C2CD3: variants seen among roughly 807,000 people sequenced by gnomAD.
C2CD3 encodes the protein C2 domain-containing protein 3.
In C2CD3, 148 loss-of-function variants were observed where a neutral mutation model predicts 234.0. The ratio of observed to expected loss-of-function variants is 0.63; its 90% CI spans 0.55 to 0.72. C2CD3 has a LOEUF of 0.72. Ranked by LOEUF, C2CD3 falls within the 30% of genes least tolerant of loss-of-function variation. The probability of loss-of-function intolerance (pLI) is 0.00; values close to 1 mark genes in which losing one functional copy is unlikely to be tolerated. For missense variants in C2CD3, 2,577 were observed against 2,811.5 expected (o/e 0.92, Z 1.89); for synonymous variants, 1,000 against 1,035.4 (o/e 0.97, Z 0.66).
In C2CD3 at chr11:74,033,762, G is replaced by A; in HGVS notation, c.6398C>T (p.Pro2133Leu). 6.5e-7 allele frequency: 1 copy of A among 1,536,312 alleles called. No individual in the cohort carries two copies. Among genetic ancestry groups the A allele is most frequent in the Non-Finnish European group, 8.7e-7 (1 of 1,146,942 alleles). The change falls in exon 31 of 33, where the codon CCA (proline) becomes CTA (leucine). Residue 2133 changes from proline (P) to leucine (L), a missense_variant. Coordinates refer to ENST00000334126, the MANE Select transcript of C2CD3 (RefSeq NM_001286577.2). ...LMVKSSFLSS[P>L]ERAVNPHLPR... ...CAGGTGGGGGTTGACAGCCCTTTCTGGGCTGGAGAGAAAGCTACTTTTGAC... is the reference window on the plus strand; with the variant it reads ...CAGGTGGGGGTTGACAGCCCTTTCTAGGCTGGAGAGAAAGCTACTTTTGAC...
At position 74,074,994 on chromosome 11, in the gene C2CD3, G is replaced by A. The variant is rs1954970390; in HGVS notation, c.4604-394C>T. ...AGCTACTCAGGAGGCTAAGGTGGGA[G>A]GATCACCTGAGCCCAGGAGGTTGAG... On this transcript the variant is annotated intron_variant, in intron 23 of 32. Coordinates refer to ENST00000334126, the MANE Select transcript of C2CD3 (RefSeq NM_001286577.2). Among the ~76,000 whole-genome samples, 3 of 152,152 alleles carry A rather than the reference G, an allele frequency of 2.0e-5. No homozygotes were observed. In the South Asian group the frequency reaches 6.2e-4, roughly 32 times the overall value.
Position 74,090,938 on chromosome 11 carries a change from T to TG in C2CD3, c.3518-3dup, listed in dbSNP as rs1465183694. On this transcript the variant is annotated splice_region_variant and splice_polypyrimidine_tract_variant and intron_variant, in intron 19 of 32. Coordinates refer to ENST00000334126, the MANE Select transcript of C2CD3 (RefSeq NM_001286577.2). Reference sequence around the variant, plus strand: ...ACCTTAGGCCCACATCCAGTAAACCTGAAGAATGAGGACACAAGGAAAGAA... The same window carrying TG: ...ACCTTAGGCCCACATCCAGTAAACCTGGAAGAATGAGGACACAAGGAAAGAA... The TG allele has an allele frequency of 6.2e-7, 1 of 1,613,468 alleles. No homozygotes were observed. The highest frequency in any genetic ancestry group is 8.5e-7 in the Non-Finnish European group (1 of 1,179,812).
At chr11:74,105,562 C>A (rs1292434812) in intron 13 of C2CD3, among the ~76,000 whole-genome samples, 1 of 152,152 alleles carries the variant, frequency 6.6e-6, no homozygotes, top group African/African-American at 2.4e-5. Flanking sequence ...TGAGCCACTG[C>A]ACCCGGCTGA....
In C2CD3 at chr11:74,013,089, C is replaced by T. The variant is rs1015153158; in HGVS notation, c.*296G>A. The T allele has an allele frequency of 5.2e-6, 1 of 190,548 alleles. No homozygotes were observed. The highest frequency in any genetic ancestry group is 2.3e-5 in the African/African-American group (1 of 43,042). The allele number at this position is 190,548 out of a possible 1,614,324, so 11.8% of individuals were successfully genotyped here. ...GTGTCAAGGACACTGGGGGGCGTTT[C>T]TCCACCGAAAGATGCCTGCTTGGGT... On this transcript the variant is annotated 3_prime_UTR_variant, in exon 33 of 33. Coordinates refer to ENST00000334126, the MANE Select transcript of C2CD3 (RefSeq NM_001286577.2).
chr11:74,042,479 G>C (rs1447950659), intron 28 of C2CD3, among the ~76,000 whole-genome samples: 1 of 152,110 alleles, frequency 6.6e-6, no homozygotes, highest in Non-Finnish European at 1.5e-5. Flanking sequence ...CTGGCCGGGG[G>C]TGGTGACTCA....
Position 74,098,025 on chromosome 11 carries a change from G to A in C2CD3, c.2963C>T (p.Ala988Val), listed in dbSNP as rs1435339999. 4 of 1,614,060 alleles carry A rather than the reference G, an allele frequency of 2.5e-6. No homozygotes were observed. The East Asian group carries it at 8.9e-5, about 36-fold the overall frequency. Reference protein sequence around the residue: ...RPAHFLDQPTAASVAMAEDRG... With the variant: ...RPAHFLDQPTVASVAMAEDRG... ...GTTTATTACCATAGCAACAGATGCTGCAGTTGGCTGGTCCAGGAAATGGGC... is the reference window on the plus strand; with the variant it reads ...GTTTATTACCATAGCAACAGATGCTACAGTTGGCTGGTCCAGGAAATGGGC... The change falls in exon 16 of 33, where the codon GCA (alanine) becomes GTA (valine). Residue 988 changes from alanine (A) to valine (V), a missense_variant. Coordinates refer to ENST00000334126, the MANE Select transcript of C2CD3 (RefSeq NM_001286577.2).
chr11:74,013,526 C>G lies in C2CD3; in HGVS notation c.6922-1G>C. The G allele has an allele frequency of 7.5e-7, 1 of 1,337,036 alleles. No homozygotes were observed. The highest frequency in any genetic ancestry group is 9.6e-7 in the Non-Finnish European group (1 of 1,045,320). 82.8% of individuals were successfully genotyped at this position (1,337,036 alleles called of 1,614,324 possible). A position where few individuals can be genotyped will look rare whatever the true frequency, so the allele number is the denominator to read the frequency against. On this transcript the variant is annotated splice_acceptor_variant, in intron 32 of 32. Coordinates refer to ENST00000334126, the MANE Select transcript of C2CD3 (RefSeq NM_001286577.2). LOFTEE classifies it high-confidence loss of function. ...CTCCCCTGGTGGCTTCGCTCTTGTCCTGGAGAGGAAGAAGTCAGCTAGGTT... is the reference window on the plus strand; with the variant it reads ...CTCCCCTGGTGGCTTCGCTCTTGTCGTGGAGAGGAAGAAGTCAGCTAGGTT...
chr11:74,107,322 T>TCTCA (rs948551188), intron 12 of C2CD3, among the ~76,000 whole-genome samples: 2 of 146,526 alleles, frequency 1.4e-5, no homozygotes, highest in African/African-American at 5.0e-5. Context: ...TGAAACTGTG[T>TCTCA]CACACACACA....
chr11:74,121,943 C>G (rs1381508072), intron 8 of C2CD3, among the ~76,000 whole-genome samples: 1 of 152,206 alleles, frequency 6.6e-6, no homozygotes, highest in Non-Finnish European at 1.5e-5. Flanking sequence ...CTCATGCTTC[C>G]CGTAGCCCAG....
intron 23 of C2CD3, among the ~76,000 whole-genome samples, chr11:74,075,053 C>CAG (rs1374432205): frequency 6.6e-6 from 1 of 152,134 alleles, no homozygotes; most frequent in Non-Finnish European, 1.5e-5. Flanking sequence ...CACTGCACTC[C>CAG]AGCCTGGGTG....
intron 29 of C2CD3, among the ~76,000 whole-genome samples, chr11:74,040,055 G>A (rs1189286382): frequency 6.6e-6 from 1 of 152,178 alleles, no homozygotes; most frequent in East Asian, 1.9e-4. Context: ...TGTGTTCGTG[G>A]CCTATTAGGA....
At chr11:74,142,789 C>G (rs1854894915) in intron 3 of C2CD3, among the ~76,000 whole-genome samples, 1 of 152,168 alleles carries the variant, frequency 6.6e-6, no homozygotes, top group African/African-American at 2.4e-5. Context: ...AGACCATCTA[C>G]TTTAACCCTC....
At chr11:74,082,121 A>AT (rs1491478450) in intron 22 of C2CD3, among the ~76,000 whole-genome samples, 26 of 119,918 alleles carry the variant, frequency 2.2e-4, no homozygotes, top group African/African-American at 7.7e-4. Flanking sequence ...CTGGCTGTGG[A>AT]TATTTTTTTT....
At chr11:74,026,749 C>T (rs1195486835) in intron 32 of C2CD3, among the ~76,000 whole-genome samples, 1 of 151,872 alleles carries the variant, frequency 6.6e-6, no homozygotes, top group Non-Finnish European at 1.5e-5. Context: ...GCAGGCAGAT[C>T]ATGAGGTCAA....
At chr11:74,097,819 A>G (rs1239067007) in intron 16 of C2CD3, among the ~76,000 whole-genome samples, 190 bp downstream of exon 16, 1 of 152,254 alleles carries the variant, frequency 6.6e-6, no homozygotes, top group Non-Finnish European at 1.5e-5. Flanking sequence ...TAAGAGGGAC[A>G]TAGAGATCCA....
At chr11:74,164,588 G>C (rs1856685304) in intron 2 of C2CD3, among the ~76,000 whole-genome samples, 1 of 151,988 alleles carries the variant, frequency 6.6e-6, no homozygotes, top group Non-Finnish European at 1.5e-5. Context: ...AAATGTACAG[G>C]GCCTCAGAGC....
chr11:74,140,424 A>G (rs1958016203), intron 3 of C2CD3, among the ~76,000 whole-genome samples: 1 of 152,214 alleles, frequency 6.6e-6, no homozygotes, highest in African/African-American at 2.4e-5. Context: ...GTATCTATCC[A>G]TTAGCATAAT....
At chr11:74,047,007 C>G (rs977671062) in intron 28 of C2CD3, among the ~76,000 whole-genome samples, 1 of 152,168 alleles carries the variant, frequency 6.6e-6, no homozygotes, top group East Asian at 1.9e-4. Flanking sequence ...CCTTGAGGTA[C>G]TATATTATTT....
At position 74,013,365 on chromosome 11, in the gene C2CD3, C is replaced by T; in HGVS notation, c.*20G>A. 1 of 851,774 alleles carries T rather than the reference C, an allele frequency of 1.2e-6. No individual in the cohort carries two copies. Among genetic ancestry groups the T allele is most frequent in the Non-Finnish European group, 1.7e-6 (1 of 603,532 alleles). 52.8% of individuals were successfully genotyped at this position (851,774 alleles called of 1,614,324 possible). On this transcript the variant is annotated 3_prime_UTR_variant, in exon 33 of 33. Transcript: ENST00000334126. ...GGAGGGTGGGCAGGTGTCTCCTTCC[C>T]CCCAGCCCCTCAGGCTGCGTCAGTC... is the stretch of plus-strand genomic sequence containing the variant.
Sources: gnomAD v4.1 joint callset for allele counts (sites outside exome capture counted in the v4.1 genomes callset) on GRCh38, gnomAD v4.1.1 for gene constraint, MANE v1.5 for transcripts, NCBI Gene and HGNC (gene_info 2026-07-23, HGNC 2026-07-21) for gene names.